Variants in SLCO3A1 observed in about 807,000 individuals in gnomAD.
SLCO3A1 encodes the protein PGE1 transporter.
A neutral mutation model predicts 63.1 loss-of-function variants in SLCO3A1; 27 were observed. The ratio of observed to expected loss-of-function variants is 0.43; its 90% CI spans 0.32 to 0.59. The LOEUF is 0.59. SLCO3A1 is among the 20% of genes least tolerant of loss of function. The pLI, the probability that SLCO3A1 is intolerant of heterozygous loss-of-function variation, is 0.09. For missense variants in SLCO3A1, 773 were observed against 945.8 expected (o/e 0.82, Z 2.40); for synonymous variants, 473 against 409.9 (o/e 1.15, Z -1.86).
In SLCO3A1 at chr15:91,950,859, G is replaced by A. The variant is rs573265138; in HGVS notation, c.646+34401G>A. ...ACTTCTTGGGAACCACAGCCAGGGA[G>A]CCACCCTTTACTCCACCAACAGGTG... On this transcript the variant is annotated intron_variant, in intron 2 of 9. Transcript: ENST00000318445. The surrounding 1 kb of genome is among the most constrained non-coding windows in gnomAD (Gnocchi z 4.4). 1.6e-4 allele frequency among the ~76,000 whole-genome samples: 25 copies of A among 152,118 alleles called. No individual in the cohort carries two copies. The highest frequency in any genetic ancestry group is 2.8e-4 in the Non-Finnish European group (19 of 68,012).
At chr15:91,913,313 G>C (rs957116661) in intron 1 of SLCO3A1, among the ~76,000 whole-genome samples, 7 of 152,234 alleles carry the variant, frequency 4.6e-5, no homozygotes, top group African/African-American at 1.7e-4. Context: ...GAAGGCCAGG[G>C]CTGAAAGAGA....
At chr15:91,926,605 G>A (rs8042477) in intron 2 of SLCO3A1, among the ~76,000 whole-genome samples, 1 of 149,610 alleles carries the variant, frequency 6.7e-6, no homozygotes, top group Non-Finnish European at 1.5e-5. Context: ...GTGCGCGCGC[G>A]CACGCCCATG....
At chr15:91,963,465 G>C (rs908455833) in intron 2 of SLCO3A1, among the ~76,000 whole-genome samples, 24 of 151,856 alleles carry the variant, frequency 1.6e-4, no homozygotes, top group African/African-American at 5.6e-4. Context: ...TTGTGCTAAT[G>C]AGAAAGTGGT....
At chr15:92,091,722 A>G (rs527706843) in intron 2 of SLCO3A1, among the ~76,000 whole-genome samples, 1 of 152,370 alleles carries the variant, frequency 6.6e-6, no homozygotes, top group South Asian at 2.1e-4. Flanking sequence ...GGAGCGACAT[A>G]GAAAAGTGAC....
chr15:91,916,212 A>G lies in SLCO3A1; in HGVS notation c.400A>G (p.Lys134Glu). 2 of 1,586,750 alleles carry G rather than the reference A, an allele frequency of 1.3e-6. No individual in the cohort carries two copies. Among genetic ancestry groups the G allele is most frequent in the South Asian group, 1.1e-5 (1 of 89,368 alleles). ...GCCCGAGTTCCTGACCCACCAGTAC[A>G]AGTACGAGGCGGGCGAGATCCGCTG... ...ALPEFLTHQY[K>E]YEAGEIRWGA... Residue 134 changes from lysine to glutamate, a missense_variant, in exon 2 of 10, where the codon AAG becomes GAG. This residue lies in a region of SLCO3A1 where 565 missense variants were observed against 749.8 expected (regional missense o/e 0.75). Coordinates refer to ENST00000318445, the MANE Select transcript of SLCO3A1 (RefSeq NM_013272.4). This position sits in a 1 kb window ranked among gnomAD's most constrained non-coding sequence, Gnocchi z 6.2.
chr15:92,002,385 C>T (rs1455551615), intron 2 of SLCO3A1, among the ~76,000 whole-genome samples: 1 of 152,172 alleles, frequency 6.6e-6, no homozygotes, highest in East Asian at 1.9e-4. Flanking sequence ...ACTCCTCATT[C>T]AGGACCTGTC....
intron 2 of SLCO3A1, among the ~76,000 whole-genome samples, chr15:92,000,826 G>T (rs1246066265): frequency 6.6e-6 from 1 of 152,186 alleles, no homozygotes; most frequent in Non-Finnish European, 1.5e-5. Flanking sequence ...TTGCCTGTGT[G>T]CACACACGCT....
chr15:91,956,084 A>G (rs1053059532), intron 2 of SLCO3A1, among the ~76,000 whole-genome samples: 1 of 152,208 alleles, frequency 6.6e-6, no homozygotes, highest in Non-Finnish European at 1.5e-5. Flanking sequence ...GGAGGTGATC[A>G]GAAGACCCAT....
chr15:91,925,066 C>T (rs915943774), intron 2 of SLCO3A1, among the ~76,000 whole-genome samples: 3 of 152,200 alleles, frequency 2.0e-5, no homozygotes, highest in Non-Finnish European at 2.9e-5. Flanking sequence ...TTCTTTACTC[C>T]GGCTTCCTTA....
rs753660470 is a variant in SLCO3A1, at chr15:91,916,155, G to A, written c.343G>A (p.Val115Ile). 1 of 1,607,156 alleles carries A rather than the reference G, an allele frequency of 6.2e-7. No individual in the cohort carries two copies. ...GCGCCTGATCGGCTGCGGCGGCATCGTCATGGCGCTGGGCGCGCTGCTGTC... is the reference window on the plus strand; with the variant it reads ...GCGCCTGATCGGCTGCGGCGGCATCATCATGGCGCTGGGCGCGCTGCTGTC... ...RPRLIGCGGI[V>I]MALGALLSAL... Residue 115 changes from valine to isoleucine, a missense_variant, in exon 2 of 10, where the codon GTC (valine) becomes ATC (isoleucine). This residue lies in a region of SLCO3A1 where 565 missense variants were observed against 749.8 expected (regional missense o/e 0.75). Coordinates refer to ENST00000318445, the MANE Select transcript of SLCO3A1 (RefSeq NM_013272.4). The surrounding 1 kb of genome is among the most constrained non-coding windows in gnomAD (Gnocchi z 6.2).
In SLCO3A1 at chr15:91,862,344, C is replaced by T. The variant is rs529440512; in HGVS notation, c.180+8256C>T. On this transcript the variant is annotated intron_variant, in intron 1 of 9. Transcript: ENST00000318445. This position sits in a 1 kb window ranked among gnomAD's most constrained non-coding sequence, Gnocchi z 4.0. ...TTTTTTGTATTTTTTTTAGTGGAGA[C>T]GGGGTTTCACCATGTTGGCCAGGGT... is the stretch of plus-strand genomic sequence containing the variant. 2.0e-5 allele frequency among the ~76,000 whole-genome samples: 3 copies of T among 151,840 alleles called. No individual in the cohort carries two copies. The highest frequency in any genetic ancestry group is 1.9e-4 in the East Asian group (1 of 5,140).
intron 1 of SLCO3A1, among the ~76,000 whole-genome samples, chr15:91,907,877 G>C (rs1898360146): frequency 6.6e-6 from 1 of 152,134 alleles, no homozygotes; most frequent in Non-Finnish European, 1.5e-5. Context: ...CGCAGACTAG[G>C]TGATCAGAGA....
At chr15:92,104,223 A>G (rs565414814) in intron 3 of SLCO3A1, 56 bp from the exon 4 acceptor site, 1 of 1,587,470 alleles carries the variant, frequency 6.3e-7, no homozygotes, top group East Asian at 2.2e-5. Flanking sequence ...TCTCAGCAAA[A>G]TCCCCAGTGG....
intron 2 of SLCO3A1, among the ~76,000 whole-genome samples, chr15:92,003,755 G>A (rs906796378): frequency 6.6e-6 from 1 of 152,174 alleles, no homozygotes; most frequent in Non-Finnish European, 1.5e-5. Context: ...ATGGATACGG[G>A]GCCAGGATTA....
At position 91,967,758 on chromosome 15, in the gene SLCO3A1, A is replaced by G. The variant is rs1299374681; in HGVS notation, c.646+51300A>G. On this transcript the variant is annotated intron_variant, in intron 2 of 9. Transcript: ENST00000318445. This position sits in a 1 kb window ranked among gnomAD's most constrained non-coding sequence, Gnocchi z 4.4. ...CACAGTTTTTGGCTGTGTTGTTTTC[A>G]AACAGCCTACTTTTGGGGAACCACG... Among the ~76,000 whole-genome samples, 2 of 152,172 alleles carry G rather than the reference A, an allele frequency of 1.3e-5. No individual in the cohort carries two copies. The highest frequency in any genetic ancestry group is 4.8e-5 in the African/African-American group (2 of 41,440).
intron 1 of SLCO3A1, among the ~76,000 whole-genome samples, chr15:91,913,928 C>A (rs1387263149): frequency 6.6e-6 from 1 of 152,170 alleles, no homozygotes; most frequent in Non-Finnish European, 1.5e-5. Context: ...TCTCCCCTCT[C>A]TCAATATGGC....
chr15:92,080,938 C>CTGTGTGTG (rs542459686), intron 2 of SLCO3A1, among the ~76,000 whole-genome samples: 5,461 of 128,798 alleles, frequency 0.042, 220 homozygotes, highest in Non-Finnish European at 0.054. Flanking sequence ...TACATAGTAG[C>CTGTGTGTG]TGTGTGTGTG....
chr15:92,000,429 T>G (rs2046240158), intron 2 of SLCO3A1, among the ~76,000 whole-genome samples: 1 of 150,144 alleles, frequency 6.7e-6, no homozygotes, highest in Non-Finnish European at 1.5e-5. Flanking sequence ...ATCTGGGGAG[T>G]GACTGCTTAA....
chr15:92,070,139 G>T (rs1045890482), intron 2 of SLCO3A1, among the ~76,000 whole-genome samples: 1 of 152,174 alleles, frequency 6.6e-6, no homozygotes, highest in Non-Finnish European at 1.5e-5. Context: ...AGGGCCTTAA[G>T]AAATCACTCA....
Sources: allele counts gnomAD v4.1 joint callset (sites outside exome capture counted in the v4.1 genomes callset), GRCh38; gene constraint gnomAD v4.1.1; regional missense constraint gnomAD v4.1.1; non-coding constraint Gnocchi (gnomAD v3.1); transcripts MANE v1.5; gene names NCBI Gene and HGNC (gene_info 2026-07-23, HGNC 2026-07-21).